Variants in TRPM1 observed in about 807,000 individuals in gnomAD.
TRPM1 encodes TRPM1-203 APA Isoform, Intron 10.
In TRPM1, 113 loss-of-function variants were observed where a neutral mutation model predicts 149.4. The observed-to-expected ratio is 0.76, with a 90% CI of 0.65 to 0.88. The LOEUF is 0.88. Among genes scored for constraint, TRPM1 ranks in the 40% least tolerant of loss-of-function variants. TRPM1 has a pLI of 0.00. For missense variants in TRPM1, 1,976 were observed against 2,038.7 expected, an observed-to-expected ratio of 0.97 and a Z score of 0.59; for synonymous variants, 741 against 759.5, an observed-to-expected ratio of 0.98 and a Z score of 0.40.
At chr15:31,080,689 T>C (rs12440880) in intron 2 of TRPM1, among the ~76,000 whole-genome samples, 110,819 of 127,750 alleles carry the variant, frequency 0.87, 47,995 homozygotes, top group East Asian at 0.97. Context: ...CCTCTCACGG[T>C]CCCGCCCTCT....
chr15:31,045,288 TATGG>T (rs2033732040), intron 16 of TRPM1, among the ~76,000 whole-genome samples: 1 of 152,222 alleles, frequency 6.6e-6, no homozygotes, highest in Admixed American at 6.5e-5. Flanking sequence ...TATTCCACAA[TATGG>T]CATTTCTTCC....
chr15:31,084,118 A>C (rs1441775667), intron 1 of TRPM1, among the ~76,000 whole-genome samples: 2 of 152,038 alleles, frequency 1.3e-5, no homozygotes, highest in South Asian at 2.1e-4. Context: ...ACACTGAGAG[A>C]TCCTCCTCTA....
At chr15:31,053,282 C>T (rs1173684440) in intron 11 of TRPM1, among the ~76,000 whole-genome samples, 1 of 152,070 alleles carries the variant, frequency 6.6e-6, no homozygotes, top group Non-Finnish European at 1.5e-5. Context: ...TGGAGTTTTG[C>T]TCTTGTTGCC....
intron 1 of TRPM1, among the ~76,000 whole-genome samples, chr15:31,108,485 C>T (rs11636012): frequency 2.0e-5 from 3 of 151,980 alleles, no homozygotes; most frequent in Non-Finnish European, 2.9e-5. Context: ...TTTCTAGAGA[C>T]TCTTTTTCTT....
chr15:31,098,216 G>A (rs956371740), intron 1 of TRPM1, among the ~76,000 whole-genome samples: 3 of 152,112 alleles, frequency 2.0e-5, no homozygotes, highest in African/African-American at 4.8e-5. Context: ...TGAGGTGGGC[G>A]GATCACCTGA....
intron 1 of TRPM1, among the ~76,000 whole-genome samples, chr15:31,121,921 A>G (rs1056293023): frequency 2.6e-5 from 4 of 152,226 alleles, no homozygotes; most frequent in Non-Finnish European, 5.9e-5. Context: ...AAATTCCTCA[A>G]CAAAATATTA....
intron 21 of TRPM1, among the ~76,000 whole-genome samples, chr15:31,034,403 C>A (rs920761474): frequency 6.6e-6 from 1 of 152,218 alleles, no homozygotes; most frequent in African/African-American, 2.4e-5. Flanking sequence ...TTGCCCACCC[C>A]ATCTGCTGCA....
At chr15:31,126,688 G>T (rs939961411) in intron 1 of TRPM1, among the ~76,000 whole-genome samples, 1 of 152,124 alleles carries the variant, frequency 6.6e-6, no homozygotes, top group Admixed American at 6.5e-5. Flanking sequence ...TGCCGGCCAG[G>T]CGCAGTGGCT....
intron 1 of TRPM1, among the ~76,000 whole-genome samples, chr15:31,120,702 C>G (rs1184229255): frequency 1.3e-5 from 2 of 148,522 alleles, no homozygotes; most frequent in African/African-American, 5.0e-5. Context: ...GAAGTATGCT[C>G]TCAGACCACA....
chr15:31,018,039 G>GTTTA (rs1007724688), intron 27 of TRPM1, among the ~76,000 whole-genome samples: 2 of 151,944 alleles, frequency 1.3e-5, no homozygotes, highest in Non-Finnish European at 2.9e-5. Context: ...TTATTTATTT[G>GTTTA]TTTATTTATT....
At chr15:31,126,928 C>A (rs2035958603) in intron 1 of TRPM1, among the ~76,000 whole-genome samples, 1 of 152,160 alleles carries the variant, frequency 6.6e-6, no homozygotes. Flanking sequence ...GATCGTGCCA[C>A]TGCATTCCGG....
chr15:31,088,745 T>G (rs1010732415), intron 1 of TRPM1, among the ~76,000 whole-genome samples: 9 of 149,476 alleles, frequency 6.0e-5, no homozygotes, highest in Admixed American at 4.7e-4. Context: ...TTCGTCTTCC[T>G]GCTACCTGTG....
At chr15:31,117,686 A>T (rs2035820339) in intron 1 of TRPM1, among the ~76,000 whole-genome samples, 1 of 151,404 alleles carries the variant, frequency 6.6e-6, no homozygotes, top group African/African-American at 2.4e-5. Context: ...ACACACACAC[A>T]CACACACACA....
intron 1 of TRPM1, among the ~76,000 whole-genome samples, chr15:31,145,934 AAC>A (rs1259941521): frequency 2.6e-5 from 4 of 152,228 alleles, no homozygotes; most frequent in South Asian, 2.1e-4. Context: ...AAAAAACAAA[AAC>A]AAAAACGCAA....
At chr15:31,090,355 G>A (rs2035201394) in intron 1 of TRPM1, among the ~76,000 whole-genome samples, 1 of 152,120 alleles carries the variant, frequency 6.6e-6, no homozygotes, top group Admixed American at 6.5e-5. Context: ...ACTGCATCCT[G>A]GGGCTGGGCG....
At chr15:31,089,030 T>G (rs969289459) in intron 1 of TRPM1, among the ~76,000 whole-genome samples, 2 of 152,108 alleles carry the variant, frequency 1.3e-5, no homozygotes, top group African/African-American at 2.4e-5. Context: ...GGCACTCAAA[T>G]GGGGGTATCA....
At chr15:31,038,930 C>A (rs985753068) in intron 18 of TRPM1, among the ~76,000 whole-genome samples, 1 of 150,830 alleles carries the variant, frequency 6.6e-6, no homozygotes, top group East Asian at 1.9e-4. Context: ...AACATGGGCT[C>A]GGCCTAGACA....
intron 1 of TRPM1, among the ~76,000 whole-genome samples, chr15:31,116,880 C>T (rs1251642896): frequency 6.6e-6 from 1 of 152,142 alleles, no homozygotes; most frequent in African/African-American, 2.4e-5. Context: ...GCCTATTTAC[C>T]TCACTTCTTC....
In TRPM1 at chr15:31,042,008, T is replaced by A. The variant is rs758354324; in HGVS notation, c.2030A>T (p.Glu677Val). The A allele has an allele frequency of 6.2e-7, 1 of 1,614,196 alleles. No homozygotes were observed. The highest frequency in any genetic ancestry group is 8.5e-7 in the Non-Finnish European group (1 of 1,180,040). The change falls in exon 17 of 28, where the codon GAG becomes GTG. Residue 677 changes from glutamate (E) to valine (V), a missense_variant. Around this residue, in one of 3 missense-constraint regions of TRPM1, gnomAD observed 1,332 missense variants for 1,347.1 expected, o/e 0.99. Coordinates refer to ENST00000256552, the MANE Select transcript of TRPM1 (RefSeq NM_001252024.2). ...ACKLYKAMAHESSESDLVDDI... is the reference protein window; with the variant it reads ...ACKLYKAMAHVSSESDLVDDI... Reference sequence around the variant, plus strand: ...ATCCACCAGATCACTCTCGGAGGACTCGTGGGCCATGGCCTTGTAGAGCTT... The same window carrying A: ...ATCCACCAGATCACTCTCGGAGGACACGTGGGCCATGGCCTTGTAGAGCTT...
Sources: allele counts gnomAD v4.1 joint callset (sites outside exome capture counted in the v4.1 genomes callset), GRCh38; gene constraint gnomAD v4.1.1; regional missense constraint gnomAD v4.1.1; transcripts MANE v1.5; gene names NCBI Gene and HGNC (gene_info 2026-07-23, HGNC 2026-07-21).